The following PTPA variants were observed in gnomAD, a reference collection of about 807,000 sequenced individuals.
The protein encoded by PTPA is protein phosphatase 2 phosphatase activator.
PTPA carries 13 observed loss-of-function variants against 43.6 expected under a neutral mutation model. That is an observed-to-expected ratio of 0.30 (90% confidence interval 0.19 to 0.47). The LOEUF (loss-of-function observed/expected upper bound fraction) is 0.47, where lower values mean the gene tolerates loss of function less well. Ranked by LOEUF, PTPA falls within the 20% of genes least tolerant of loss-of-function variation. PTPA has a pLI of 0.99. For synonymous variants in PTPA, 172 were observed against 158.2 expected, an observed-to-expected ratio of 1.09 and a Z score of -0.66; for missense variants, 329 against 411.9, an observed-to-expected ratio of 0.80 and a Z score of 1.74.
intron 9 of PTPA, among the ~76,000 whole-genome samples, chr9:129,145,058 C>T (rs562460423): frequency 2.3e-4 from 35 of 149,026 alleles, no homozygotes; most frequent in African/African-American, 7.7e-4. Context: ...TGGTTGGGTG[C>T]GGTGGCTCAT....
intron 9 of PTPA, among the ~76,000 whole-genome samples, chr9:129,144,094 A>G (rs1349284964): frequency 6.6e-6 from 1 of 151,724 alleles, no homozygotes; most frequent in African/African-American, 2.4e-5. Flanking sequence ...CTCAGGCTCT[A>G]AGGCCCAAAG....
intron 8 of PTPA, among the ~76,000 whole-genome samples, chr9:129,141,311 C>G (rs1850805736): frequency 6.6e-6 from 1 of 152,114 alleles, no homozygotes; most frequent in Non-Finnish European, 1.5e-5. Flanking sequence ...GAGAGCGTTT[C>G]TGGCTTATCT....
At position 129,133,037 on chromosome 9, in the gene PTPA, C is replaced by T. The variant is rs114102480; in HGVS notation, c.460+1398C>T. On this transcript the variant is annotated intron_variant, in intron 5 of 9. Transcript: ENST00000393370. ...ATCTCTCAAAAATATAGAAGGGAGG[C>T]ATTCTCTGTGTCAGGGCACGGCCTG... Among the ~76,000 whole-genome samples the T allele has an allele frequency of 2.5e-3, 375 of 151,776 alleles. 1 individual carries two copies. The highest frequency in any genetic ancestry group is 8.8e-3 in the African/African-American group (362 of 41,346).
chr9:129,117,725 T>C (rs1231822244), intron 1 of PTPA, among the ~76,000 whole-genome samples: 1 of 145,024 alleles, frequency 6.9e-6, no homozygotes, highest in African/African-American at 2.6e-5. Context: ...TTTAAGACAG[T>C]CTCACTCTGT....
chr9:129,137,779 G>A, intron 8 of PTPA, 87 bp downstream of exon 8: 2 of 1,250,830 alleles, frequency 1.6e-6, no homozygotes, highest in Non-Finnish European at 2.3e-6. Context: ...GATCAGAAGA[G>A]CCAGAGCTGC....
chr9:129,133,386 C>T (rs1341019143), intron 5 of PTPA, among the ~76,000 whole-genome samples: 1 of 152,190 alleles, frequency 6.6e-6, no homozygotes, highest in Non-Finnish European at 1.5e-5. Flanking sequence ...TGCATGTGAA[C>T]CCCTGAACAA....
intron 1 of PTPA, among the ~76,000 whole-genome samples, chr9:129,117,209 G>A (rs771485109): frequency 3.2e-4 from 49 of 151,818 alleles, no homozygotes; most frequent in Non-Finnish European, 5.4e-4. Context: ...ACTACACCTG[G>A]CTAATTTTTG....
At position 129,134,929 on chromosome 9, in the gene PTPA, C is replaced by T. The variant is rs778228892; in HGVS notation, c.560+35C>T. ...AGGACAGGAGGGTTGGAGGAGGGGG[C>T]GTGAGGGGCCATCTGTTTCCTCCTC... On this transcript the variant is annotated intron_variant, in intron 6 of 9. Transcript: ENST00000393370. 1.8e-4 allele frequency: 283 copies of T among 1,559,014 alleles called. 2 individuals are homozygous for T. The highest frequency in any genetic ancestry group is 6.2e-4 in the South Asian group (55 of 89,220).
chr9:129,143,625 C>CCTG, intron 9 of PTPA: 1 of 585,528 alleles, frequency 1.7e-6, no homozygotes, highest in South Asian at 2.0e-5. Context: ...GAGGCTTGAA[C>CCTG]TGAACAGACC....
At chr9:129,120,637 CT>C in intron 2 of PTPA, 27 bp downstream of exon 2, 1 of 1,586,378 alleles carries the variant, frequency 6.3e-7, no homozygotes. Context: ...TGGTGAGAAA[CT>C]TGGGCTTTTC....
intron 2 of PTPA, 25 bp downstream of exon 2, chr9:129,120,635 A>AC (rs1430519954): frequency 6.3e-7 from 1 of 1,588,130 alleles, no homozygotes. Context: ...TGTGGTGAGA[A>AC]ACTTGGGCTT....
chr9:129,123,059 C>G lies in PTPA; in HGVS notation c.137C>G (p.Ala46Gly), dbSNP rs369834811. Reference protein sequence around the residue: ...MGKWKRSQAYADYIGFILTLN... With the variant: ...MGKWKRSQAYGDYIGFILTLN... ...CTCCTCTCTGTTTGGTAGGCATACG[C>G]TGACTACATCGGATTCATCCTTACC... The change falls in exon 3 of 10, where the codon GCT becomes GGT. Residue 46 changes from alanine to glycine, a missense_variant. Physicochemically the swap from Ala to Gly is moderately conservative, Grantham distance 60. Transcript: ENST00000393370. The G allele has an allele frequency of 6.2e-7, 1 of 1,609,534 alleles. No homozygotes were observed. Among genetic ancestry groups the G allele is most frequent in the Non-Finnish European group, 8.5e-7 (1 of 1,177,378 alleles).
intron 7 of PTPA, among the ~76,000 whole-genome samples, chr9:129,136,860 G>T (rs540017409): frequency 6.6e-6 from 1 of 152,372 alleles, no homozygotes; most frequent in African/African-American, 2.4e-5. Flanking sequence ...GAGCAAGGGC[G>T]CACGCCTGGT....
chr9:129,124,009 A>G (rs1183921753), intron 3 of PTPA, among the ~76,000 whole-genome samples: 1 of 151,816 alleles, frequency 6.6e-6, no homozygotes, highest in Non-Finnish European at 1.5e-5. Context: ...CTTGAAATTA[A>G]AACAGATTAC....
In PTPA at chr9:129,148,173, C is replaced by T. The variant is rs1851420241; in HGVS notation, c.*709C>T. On this transcript the variant is annotated 3_prime_UTR_variant, in exon 10 of 10. Transcript: ENST00000393370. ...TGACTGTAGCCACATCTCTCCCGCT[C>T]CCTAAGGGTAACCTAGCCAATGGAA... The T allele has an allele frequency of 6.5e-6, 1 of 152,684 alleles. No individual in the cohort carries two copies. The highest frequency in any genetic ancestry group is 2.1e-4 in the South Asian group (1 of 4,838). The allele number at this position is 152,684 out of a possible 1,614,324, so 9.5% of individuals were successfully genotyped here.
chr9:129,127,095 C>T (rs1849629235), intron 3 of PTPA, among the ~76,000 whole-genome samples: 1 of 152,188 alleles, frequency 6.6e-6, no homozygotes. Flanking sequence ...GCAGCGCTCT[C>T]ACATTTCAGC....
Position 129,136,613 on chromosome 9 carries a change from GCCTATCCCTCCACC to G in PTPA, c.685+21_685+34del. 2 of 1,598,326 alleles carry G rather than the reference GCCTATCCCTCCACC, an allele frequency of 1.3e-6. No homozygotes were observed. The highest frequency in any genetic ancestry group is 1.7e-6 in the Non-Finnish European group (2 of 1,170,750). On this transcript the variant is annotated intron_variant, in intron 7 of 9. Coordinates refer to ENST00000393370, the MANE Select transcript of PTPA (RefSeq NM_178000.3). ...GCTGATAGGTACTAGAGCGGGAGGT[GCCTATCCCTCCACC>G]CCCAACCAAGGCTGCGTTCTGTGGC...
rs1169694621 is a variant in PTPA, at chr9:129,147,723, G to T, written c.*259G>T. The stretch of plus-strand genomic sequence containing the variant: ...GGCCAGAAGAGAGGGTCTGGGGCCT[G>T]GTCACTCGGCCACTCTCTCCTGTTT... On this transcript the variant is annotated 3_prime_UTR_variant, in exon 10 of 10. Coordinates refer to ENST00000393370, the MANE Select transcript of PTPA (RefSeq NM_178000.3). 5.5e-5 allele frequency: 26 copies of T among 475,152 alleles called. No individual in the cohort carries two copies. The highest frequency in any genetic ancestry group is 1.0e-4 in the Non-Finnish European group (26 of 259,138). The allele number at this position is 475,152 out of a possible 1,614,324, so 29.4% of individuals were successfully genotyped here.
chr9:129,133,294 C>G (rs1296444812), intron 5 of PTPA, among the ~76,000 whole-genome samples: 2 of 152,140 alleles, frequency 1.3e-5, no homozygotes, highest in Non-Finnish European at 2.9e-5. Flanking sequence ...CCCTCTTGGA[C>G]CGGGTGGGGC....
Sources: gnomAD v4.1 joint callset for allele counts (sites outside exome capture counted in the v4.1 genomes callset) on GRCh38, gnomAD v4.1.1 for gene constraint, MANE v1.5 for transcripts, NCBI Gene and HGNC (gene_info 2026-07-23, HGNC 2026-07-21) for gene names.